Variants in ROBO1 observed in about 807,000 individuals in gnomAD.
The protein encoded by ROBO1 is roundabout guidance receptor 1.
A neutral mutation model predicts 195.9 loss-of-function variants in ROBO1; 149 were observed. That is an observed-to-expected ratio of 0.76 (90% CI 0.67 to 0.87). The LOEUF is 0.87. ROBO1 is among the 40% of genes least tolerant of loss of function. The probability of loss-of-function intolerance (pLI) is 0.00; values close to 1 mark genes in which losing one functional copy is unlikely to be tolerated. For missense variants in ROBO1, 1,933 were observed against 2,068.3 expected, an observed-to-expected ratio of 0.93 and a Z score of 1.27; for synonymous variants, 816 against 733.2, an observed-to-expected ratio of 1.11 and a Z score of -1.82.
intron 1 of ROBO1, among the ~76,000 whole-genome samples, chr3:79,759,492 C>A (rs1036463163): frequency 6.6e-6 from 1 of 152,048 alleles, no homozygotes; most frequent in Non-Finnish European, 1.5e-5. Context: ...TGCTATAGTC[C>A]TATACACAAG....
At chr3:79,237,495 AAT>A (rs2082433310) in intron 2 of ROBO1, among the ~76,000 whole-genome samples, 1 of 147,898 alleles carries the variant, frequency 6.8e-6, no homozygotes, top group African/African-American at 2.6e-5. Flanking sequence ...AAAAAAAAAT[AAT>A]AATAAAAAAG....
intron 9 of ROBO1, among the ~76,000 whole-genome samples, chr3:78,687,752 G>A (rs2081083141): frequency 6.6e-6 from 1 of 151,962 alleles, no homozygotes; most frequent in Non-Finnish European, 1.5e-5. Flanking sequence ...AGCCTCCAGA[G>A]TAGCTGGGAC....
chr3:78,929,855 T>A (rs540758705), intron 4 of ROBO1, among the ~76,000 whole-genome samples: 81 of 152,150 alleles, frequency 5.3e-4, no homozygotes, highest in Middle Eastern at 3.4e-3. Context: ...CTTCATGGTC[T>A]ATTAACTGAT....
chr3:79,339,944 A>T (rs2034836382), intron 2 of ROBO1, among the ~76,000 whole-genome samples: 1 of 151,960 alleles, frequency 6.6e-6, no homozygotes, highest in African/African-American at 2.4e-5. Flanking sequence ...TTTAACCTCC[A>T]CTCCAATGAC....
At chr3:79,464,251 T>C (rs923490689) in intron 2 of ROBO1, among the ~76,000 whole-genome samples, 1 of 152,354 alleles carries the variant, frequency 6.6e-6, no homozygotes, top group East Asian at 1.9e-4. Context: ...TTTTTGTGTA[T>C]TAACACATAT....
At chr3:78,920,624 GTTT>G (rs34364869) in intron 4 of ROBO1, among the ~76,000 whole-genome samples, 4 of 60,962 alleles carry the variant, frequency 6.6e-5, no homozygotes, top group African/African-American at 2.2e-4. Context: ...CTTTCTTTCA[GTTT>G]TTTTTTTTTT....
In ROBO1 at chr3:78,973,797, C is replaced by A. The variant is rs186241661; in HGVS notation, c.173-34870G>T. ...GGTTACATAAATATCGCATATTTAT[C>A]ATATATCGGTTCTCTGAATTGTTCT... On this transcript the variant is annotated intron_variant, in intron 3 of 30. Transcript: ENST00000464233. Among the ~76,000 whole-genome samples the A allele has an allele frequency of 3.1e-4, 47 of 151,666 alleles. 1 individual carries two copies. The highest frequency in any genetic ancestry group is 1.0e-3 in the African/African-American group (43 of 41,398).
chr3:78,982,009 A>G (rs1474210369), intron 3 of ROBO1, among the ~76,000 whole-genome samples: 1 of 152,160 alleles, frequency 6.6e-6, no homozygotes, highest in Non-Finnish European at 1.5e-5. Flanking sequence ...CTTGTTCTGT[A>G]TTCTACTGAG....
rs546667062 is a variant in ROBO1, at chr3:78,720,150, CTTAGTATCAACA to C, written c.658-2279_658-2268del. ...TGCTTCCAAGTGTCAGTCCCCTGAC[CTTAGTATCAACA>C]TTGAGGCAGAGAAGCATATGTAATT... On this transcript the variant is annotated intron_variant, in intron 5 of 30. Transcript: ENST00000464233. 2.1e-3 allele frequency among the ~76,000 whole-genome samples: 326 copies of C among 152,214 alleles called. 7 individuals carry two copies. Among genetic ancestry groups the C allele is most frequent in the Admixed American group, 0.019 (286 of 15,294 alleles).
chr3:78,706,247 G>A (rs1486705664), intron 8 of ROBO1, among the ~76,000 whole-genome samples: 1 of 152,046 alleles, frequency 6.6e-6, no homozygotes, highest in Non-Finnish European at 1.5e-5. Flanking sequence ...GGCAGGTGGA[G>A]CTGGGGCATT....
chr3:78,899,241 A>G (rs1359487589), intron 4 of ROBO1, among the ~76,000 whole-genome samples: 1 of 152,204 alleles, frequency 6.6e-6, no homozygotes, highest in Non-Finnish European at 1.5e-5. Context: ...TGTGAAGTGG[A>G]AACCTCGGCT....
At chr3:79,012,796 G>A (rs943879324) in intron 3 of ROBO1, among the ~76,000 whole-genome samples, 3 of 151,972 alleles carry the variant, frequency 2.0e-5, no homozygotes, top group Non-Finnish European at 4.4e-5. Context: ...AAAAAAGAGA[G>A]AGGAAAAAGC....
intron 1 of ROBO1, among the ~76,000 whole-genome samples, chr3:79,730,922 T>C (rs1430691958): frequency 2.6e-5 from 4 of 151,700 alleles, no homozygotes; most frequent in Admixed American, 2.6e-4. Flanking sequence ...GGACTACAGG[T>C]GCCCGCCACC....
intron 3 of ROBO1, among the ~76,000 whole-genome samples, chr3:79,096,276 T>C (rs949777473): frequency 2.6e-4 from 40 of 152,000 alleles, no homozygotes; most frequent in African/African-American, 8.7e-4. Context: ...CTGATTTATG[T>C]AGGCATATGG....
intron 1 of ROBO1, among the ~76,000 whole-genome samples, chr3:79,618,404 C>T (rs1266302436): frequency 3.3e-5 from 5 of 152,124 alleles, no homozygotes; most frequent in Non-Finnish European, 7.3e-5. Context: ...CAATTCCTGC[C>T]TGAACTGATG....
intron 3 of ROBO1, among the ~76,000 whole-genome samples, chr3:78,990,260 T>C (rs1234922076): frequency 6.6e-6 from 1 of 152,184 alleles, no homozygotes; most frequent in East Asian, 1.9e-4. Flanking sequence ...TAAGAATAAA[T>C]GAATAAACTG....
chr3:79,636,351 C>T (rs1001745507), intron 1 of ROBO1, among the ~76,000 whole-genome samples: 12 of 152,064 alleles, frequency 7.9e-5, no homozygotes, highest in African/African-American at 2.9e-4. Flanking sequence ...AGGGAGCAAA[C>T]CTCTTGAAAT....
At chr3:79,412,423 T>G (rs1239203094) in intron 2 of ROBO1, among the ~76,000 whole-genome samples, 1 of 152,144 alleles carries the variant, frequency 6.6e-6, no homozygotes, top group African/African-American at 2.4e-5. Flanking sequence ...TTCCCATCTA[T>G]CCATTCTGTA....
chr3:79,615,788 A>G (rs915661262), intron 1 of ROBO1, among the ~76,000 whole-genome samples: 2 of 152,186 alleles, frequency 1.3e-5, no homozygotes, highest in Non-Finnish European at 2.9e-5. Flanking sequence ...AAGGTAATCC[A>G]ATAAGGAATG....
Sources: gnomAD v4.1 joint callset for allele counts (sites outside exome capture counted in the v4.1 genomes callset) on GRCh38, gnomAD v4.1.1 for gene constraint, MANE v1.5 for transcripts, NCBI Gene and HGNC (gene_info 2026-07-23, HGNC 2026-07-21) for gene names.